The following NALCN variants were observed in gnomAD, a reference collection of about 807,000 sequenced individuals.
NALCN encodes sodium leak channel NALCN.
NALCN carries 111 observed loss-of-function variants against 225.3 expected under a neutral mutation model. That is an observed-to-expected ratio of 0.49 (90% confidence interval 0.42 to 0.58). The LOEUF (loss-of-function observed/expected upper bound fraction) is 0.58, where lower values mean the gene tolerates loss of function less well. NALCN is among the 20% of genes least tolerant of loss of function. NALCN has a pLI of 0.00. For synonymous variants in NALCN, 764 were observed against 769.0 expected (o/e 0.99, Z 0.11); for missense variants, 1,378 against 2,202.4 (o/e 0.63, Z 7.49).
intron 17 of NALCN, among the ~76,000 whole-genome samples, chr13:101,130,861 A>G (rs1397529889): frequency 1.3e-5 from 2 of 152,148 alleles, no homozygotes; most frequent in African/African-American, 4.8e-5. Flanking sequence ...TGTGCTGTCA[A>G]TATATAGTTT....
chr13:101,116,333 T>TATATATATAA (rs527419441), intron 18 of NALCN: 7 of 235,150 alleles, frequency 3.0e-5, no homozygotes, highest in Non-Finnish European at 5.1e-5. Context: ...TATATATATA[T>TATATATATAA]AATCTTTTAT....
At chr13:101,351,448 A>T (rs2045906002) in intron 6 of NALCN, among the ~76,000 whole-genome samples, 1 of 152,192 alleles carries the variant, frequency 6.6e-6, no homozygotes, top group Non-Finnish European at 1.5e-5. Context: ...TTGAGATCTA[A>T]GAAAATGTGT....
At chr13:101,303,625 A>G (rs1176694959) in intron 7 of NALCN, among the ~76,000 whole-genome samples, 1 of 152,180 alleles carries the variant, frequency 6.6e-6, no homozygotes, top group Non-Finnish European at 1.5e-5. Flanking sequence ...TTCACGGAAT[A>G]TGGTTCAAGT....
chr13:101,293,827 T>A (rs1181482682), intron 7 of NALCN, among the ~76,000 whole-genome samples: 2 of 152,248 alleles, frequency 1.3e-5, no homozygotes, highest in East Asian at 3.8e-4. Context: ...TAATGTGTGC[T>A]AATATACTTT....
At chr13:101,202,910 C>G (rs1594426808) in intron 13 of NALCN, among the ~76,000 whole-genome samples, 1 of 150,766 alleles carries the variant, frequency 6.6e-6, no homozygotes, top group Non-Finnish European at 1.5e-5. Flanking sequence ...TGTAAGCCAG[C>G]AGATCAGTGA....
At chr13:101,385,146 G>C (rs2046951893) in intron 3 of NALCN, among the ~76,000 whole-genome samples, 1 of 152,120 alleles carries the variant, frequency 6.6e-6, no homozygotes, top group African/African-American at 2.4e-5. Flanking sequence ...CTCTCCAGCT[G>C]CCTCCTGTGC....
intron 10 of NALCN, among the ~76,000 whole-genome samples, chr13:101,264,308 A>G (rs898264880): frequency 1.3e-5 from 2 of 152,068 alleles, no homozygotes; most frequent in Admixed American, 1.3e-4. Context: ...TTTAATTGCA[A>G]TGTCATTTTG....
rs138931403 is a variant in NALCN, at chr13:101,335,802, C to T, written c.799+9464G>A. Among the ~76,000 whole-genome samples the T allele has an allele frequency of 2.9e-3, 439 of 151,058 alleles. 3 individuals are homozygous for T. Among genetic ancestry groups the T allele is most frequent in the Non-Finnish European group, 3.7e-3 (248 of 67,802 alleles). Reference sequence around the variant, plus strand: ...CTTTTATGACTGCAGTAAAAATATACGTTCTGTAATAAATCATGGTTGTAG... The same window carrying T: ...CTTTTATGACTGCAGTAAAAATATATGTTCTGTAATAAATCATGGTTGTAG... On this transcript the variant is annotated intron_variant, in intron 7 of 43. Coordinates refer to ENST00000251127, the MANE Select transcript of NALCN (RefSeq NM_052867.4).
At chr13:101,324,246 T>A (rs1039304433) in intron 7 of NALCN, among the ~76,000 whole-genome samples, 2 of 152,174 alleles carry the variant, frequency 1.3e-5, no homozygotes, top group Admixed American at 6.5e-5. Context: ...AAACAACTCA[T>A]ACTACTGTGC....
chr13:101,341,458 C>T (rs1485081077), intron 7 of NALCN, among the ~76,000 whole-genome samples: 1 of 152,114 alleles, frequency 6.6e-6, no homozygotes, highest in Non-Finnish European at 1.5e-5. Context: ...TTTTCTTTAG[C>T]TTTGATTTCC....
chr13:101,263,737 C>T (rs1364009142), intron 10 of NALCN, among the ~76,000 whole-genome samples: 1 of 152,180 alleles, frequency 6.6e-6, no homozygotes, highest in Non-Finnish European at 1.5e-5. Context: ...ACACTATAAT[C>T]ACCATTGCTT....
rs138131995 is a variant in NALCN at position 101,194,833 on chromosome 13, G to A, written c.1627-2779C>T. ...AGCCTGGCCAACATGGTGAAACCCC[G>A]TCTCTACTAAAAATACAAAAATTAG... On this transcript the variant is annotated intron_variant, in intron 13 of 43. Coordinates refer to ENST00000251127, the MANE Select transcript of NALCN (RefSeq NM_052867.4). Among the ~76,000 whole-genome samples, 26 of 152,144 alleles carry A rather than the reference G, an allele frequency of 1.7e-4. 1 individual carries two copies. The East Asian group carries it at 4.1e-3, about 24-fold the overall frequency.
intron 3 of NALCN, among the ~76,000 whole-genome samples, chr13:101,386,829 G>A (rs1053064222): frequency 6.6e-6 from 1 of 151,116 alleles, no homozygotes; most frequent in African/African-American, 2.4e-5. Flanking sequence ...TAATTTTAAA[G>A]AACTGTGCAT....
chr13:101,345,408 C>A lies in NALCN; in HGVS notation c.657G>T (p.Trp219Cys). Residue 219 changes from tryptophan to cysteine, a missense_variant, in exon 7 of 44, where the codon TGG becomes TGT. Transcript: ENST00000251127. ...VNDTKPGNVT[W>C]NSLAIPDTHC... ...GTGTGTCTGGAATAGCTAAACTATTCCAGGTTACATTCCTGTGAACAACAC... is the reference window on the plus strand; with the variant it reads ...GTGTGTCTGGAATAGCTAAACTATTACAGGTTACATTCCTGTGAACAACAC... 6.2e-7 allele frequency: 1 copy of A among 1,613,032 alleles called. No homozygotes were observed. The highest frequency in any genetic ancestry group is 8.5e-7 in the Non-Finnish European group (1 of 1,179,512).
In NALCN at chr13:101,187,364, G is replaced by A. The variant is rs115464553; in HGVS notation, c.1764+4553C>T. On this transcript the variant is annotated intron_variant, in intron 14 of 43. Transcript: ENST00000251127. Reference sequence around the variant, plus strand: ...TGGGAATCTTGGAAAGTTTCCCTTGGGGACAAAGGAGGACTACTATATATA... The same window carrying A: ...TGGGAATCTTGGAAAGTTTCCCTTGAGGACAAAGGAGGACTACTATATATA... Among the ~76,000 whole-genome samples, 1,449 of 151,924 alleles carry A rather than the reference G, an allele frequency of 9.5e-3. 23 individuals are homozygous for A. The highest frequency in any genetic ancestry group is 0.033 in the African/African-American group (1,365 of 41,418).
intron 15 of NALCN, among the ~76,000 whole-genome samples, chr13:101,149,861 T>G (rs758325326): frequency 1.3e-5 from 2 of 152,168 alleles, no homozygotes; most frequent in Non-Finnish European, 2.9e-5. Context: ...CAGCATCAAC[T>G]AAAAATGAGC....
rs574800272 is a variant in NALCN, at chr13:101,089,427, C to T, written c.3489+236G>A. On this transcript the variant is annotated intron_variant, in intron 30 of 43. Transcript: ENST00000251127. The surrounding 1 kb of genome is among the most constrained non-coding windows in gnomAD (Gnocchi z 4.7). ...AATAGGAGACGCGCCTCTCAGTTGTCGGTGAATTAATGACACTGTTACCAA... is the reference window on the plus strand; with the variant it reads ...AATAGGAGACGCGCCTCTCAGTTGTTGGTGAATTAATGACACTGTTACCAA... 2.0e-5 allele frequency among the ~76,000 whole-genome samples: 3 copies of T among 152,224 alleles called. No individual in the cohort carries two copies. The highest frequency in any genetic ancestry group is 2.1e-4 in the South Asian group (1 of 4,828).
rs116090652 is a variant in NALCN at position 101,383,016 on chromosome 13, T to C, written c.292-4363A>G. On this transcript the variant is annotated intron_variant, in intron 3 of 43. Coordinates refer to ENST00000251127, the MANE Select transcript of NALCN (RefSeq NM_052867.4). ...TCATTCAATATTCATAAACATCTTT[T>C]ATAAGCAGAGTTATGACCCAAGATA... 4.5e-3 allele frequency among the ~76,000 whole-genome samples: 686 copies of C among 152,324 alleles called. 5 individuals carry two copies. The highest frequency in any genetic ancestry group is 0.016 in the African/African-American group (652 of 41,578).
At chr13:101,105,782 A>G (rs1447156286) in intron 22 of NALCN, among the ~76,000 whole-genome samples, 1 of 152,216 alleles carries the variant, frequency 6.6e-6, no homozygotes. Flanking sequence ...AAAGAACAAT[A>G]GTCTGGCAAT....
Sources: allele counts gnomAD v4.1 joint callset (sites outside exome capture counted in the v4.1 genomes callset), GRCh38; gene constraint gnomAD v4.1.1; non-coding constraint Gnocchi (gnomAD v3.1); transcripts MANE v1.5; gene names NCBI Gene and HGNC (gene_info 2026-07-23, HGNC 2026-07-21).